Variants in PCGF5 observed in about 807,000 individuals in gnomAD.
PCGF5 encodes the protein polycomb group RING finger protein 5.
In PCGF5, 9 loss-of-function variants were observed where a neutral mutation model predicts 44.3. That is an observed-to-expected ratio of 0.20 (90% CI 0.12 to 0.35). The LOEUF is 0.35. Among genes scored for constraint, PCGF5 ranks in the 10% least tolerant of loss-of-function variants. The pLI is 1.00. For missense variants in PCGF5, 146 were observed against 305.3 expected (o/e 0.48, Z 3.89); for synonymous variants, 95 against 102.5 (o/e 0.93, Z 0.44).
At chr10:91,188,001 A>T (rs955266009) in intron 1 of PCGF5, among the ~76,000 whole-genome samples, 1 of 151,252 alleles carries the variant, frequency 6.6e-6, no homozygotes, top group Non-Finnish European at 1.5e-5. Context: ...TATACTTTTA[A>T]GTTTTAGGGT....
intron 1 of PCGF5, among the ~76,000 whole-genome samples, chr10:91,188,456 T>A (rs1268754700): frequency 5.9e-5 from 9 of 152,216 alleles, no homozygotes; most frequent in Non-Finnish European, 1.3e-4. Context: ...TATATTAAAA[T>A]TATGCTAATT....
chr10:91,222,820 C>A lies in PCGF5; in HGVS notation c.-52C>A. Reference sequence around the variant, plus strand: ...GCTCCTGGGATCAGACTTTCATCTACTTAGGACCCCTCTTTGCCCAGACTA... The same window carrying A: ...GCTCCTGGGATCAGACTTTCATCTAATTAGGACCCCTCTTTGCCCAGACTA... On this transcript the variant is annotated 5_prime_UTR_variant, in exon 2 of 10. Transcript: ENST00000336126. 1 of 1,110,734 alleles carries A rather than the reference C, an allele frequency of 9.0e-7. No homozygotes were observed. The highest frequency in any genetic ancestry group is 1.3e-5 in the South Asian group (1 of 79,946). The allele number at this position is 1,110,734 out of a possible 1,614,324, so 68.8% of individuals were successfully genotyped here.
At chr10:91,268,098 A>T (rs1346010770) in intron 8 of PCGF5, among the ~76,000 whole-genome samples, 1 of 151,946 alleles carries the variant, frequency 6.6e-6, no homozygotes, top group Non-Finnish European at 1.5e-5. Context: ...GTATGTGTGT[A>T]TATGTGTGTG....
intron 2 of PCGF5, among the ~76,000 whole-genome samples, chr10:91,224,296 C>T (rs1383935384): frequency 6.6e-6 from 1 of 152,142 alleles, no homozygotes; most frequent in Non-Finnish European, 1.5e-5. Context: ...TAGCAATTAA[C>T]TATGTACTAT....
intron 1 of PCGF5, among the ~76,000 whole-genome samples, chr10:91,185,267 A>T (rs1843899974): frequency 1.3e-5 from 2 of 152,164 alleles, no homozygotes; most frequent in East Asian, 1.9e-4. Flanking sequence ...TGGATCCGGG[A>T]TTCACTTAAA....
rs996290072 is a variant in PCGF5, at chr10:91,260,838, G to T, written c.475-488G>T. 1.4e-4 allele frequency among the ~76,000 whole-genome samples: 21 copies of T among 150,698 alleles called. 1 individual carries two copies. The highest frequency in any genetic ancestry group is 8.5e-4 in the South Asian group (4 of 4,702). ...GGTGGGGGAGGGGGGAGGGATAGCA[G>T]TAGGAGATATACCTAATGCTAAATG... On this transcript the variant is annotated intron_variant, in intron 6 of 9. Coordinates refer to ENST00000336126, the MANE Select transcript of PCGF5 (RefSeq NM_032373.5).
chr10:91,242,903 T>C (rs1845366376), intron 3 of PCGF5, among the ~76,000 whole-genome samples: 1 of 152,168 alleles, frequency 6.6e-6, no homozygotes, highest in Admixed American at 6.6e-5. Flanking sequence ...CATATTCCAG[T>C]TTTCTTAATT....
At chr10:91,204,617 A>G (rs181597493) in intron 1 of PCGF5, among the ~76,000 whole-genome samples, 34 of 152,352 alleles carry the variant, frequency 2.2e-4, no homozygotes, top group African/African-American at 7.7e-4. Context: ...AAGTCTTGGA[A>G]GATGATAAAC....
chr10:91,260,571 C>A (rs1845875327), intron 6 of PCGF5, among the ~76,000 whole-genome samples: 1 of 152,024 alleles, frequency 6.6e-6, no homozygotes, highest in Non-Finnish European at 1.5e-5. Context: ...AAATGTCCAA[C>A]AACGATAAAC....
At chr10:91,226,040 C>A (rs1844825235) in intron 2 of PCGF5, among the ~76,000 whole-genome samples, 1 of 151,960 alleles carries the variant, frequency 6.6e-6, no homozygotes, top group Non-Finnish European at 1.5e-5. Context: ...TTGACTTAGG[C>A]ATATACAAAG....
intron 1 of PCGF5, among the ~76,000 whole-genome samples, chr10:91,177,700 C>T (rs190941189): frequency 2.0e-5 from 3 of 152,364 alleles, no homozygotes; most frequent in Non-Finnish European, 4.4e-5. Context: ...TAGGACCCTC[C>T]AAGCCAGGTG....
intron 6 of PCGF5, among the ~76,000 whole-genome samples, chr10:91,258,002 T>G (rs957344792): frequency 3.9e-5 from 6 of 152,068 alleles, no homozygotes; most frequent in African/African-American, 1.4e-4. Context: ...TGCTACAAAA[T>G]AGATGAATCT....
At chr10:91,222,246 G>T (rs191702700) in intron 1 of PCGF5, among the ~76,000 whole-genome samples, 2 of 152,228 alleles carry the variant, frequency 1.3e-5, no homozygotes, top group East Asian at 3.9e-4. Flanking sequence ...AGAGCAGCCG[G>T]GCATGGAATA....
At chr10:91,248,322 C>CGGG in intron 3 of PCGF5, among the ~76,000 whole-genome samples, 183 bp from the exon 4 acceptor site, 1 of 152,046 alleles carries the variant, frequency 6.6e-6, no homozygotes, top group Non-Finnish European at 1.5e-5. Flanking sequence ...TTTTTGTTAT[C>CGGG]AGTCTACTAC....
In PCGF5 at chr10:91,264,672, T is replaced by G. The variant is rs1409682392; in HGVS notation, c.663+152T>G. On this transcript the variant is annotated intron_variant, in intron 8 of 9. Transcript: ENST00000336126. Reference sequence around the variant, plus strand: ...GCTACTGTTTCTCCTAGCACTCTGATAATTGGTCCTATGTATAAAATCAAG... The same window carrying G: ...GCTACTGTTTCTCCTAGCACTCTGAGAATTGGTCCTATGTATAAAATCAAG... 6.7e-6 allele frequency: 4 copies of G among 593,836 alleles called. No homozygotes were observed. The African/African-American group carries it at 7.5e-5, about 11-fold the overall frequency. The allele number at this position is 593,836 out of a possible 1,614,324, so 36.8% of individuals were successfully genotyped here. A position where few individuals can be genotyped will look rare whatever the true frequency, so the allele number is the denominator to read the frequency against.
rs553385334 is a variant in PCGF5 at position 91,264,591 on chromosome 10, A to G, written c.663+71A>G. The G allele has an allele frequency of 2.5e-5, 30 of 1,215,642 alleles. No homozygotes were observed. The South Asian group carries it at 2.9e-4, about 12-fold the overall frequency. The allele number at this position is 1,215,642 out of a possible 1,614,324, so 75.3% of individuals were successfully genotyped here. A position where few individuals can be genotyped will look rare whatever the true frequency, so the allele number is the denominator to read the frequency against. On this transcript the variant is annotated intron_variant, in intron 8 of 9. Coordinates refer to ENST00000336126, the MANE Select transcript of PCGF5 (RefSeq NM_032373.5). ...CATTATGTTACTCAAATTTAACAAT[A>G]TTAGAAACTAAAAAAGACAAACTAG...
intron 1 of PCGF5, among the ~76,000 whole-genome samples, chr10:91,221,178 C>A (rs1274643982): frequency 6.6e-6 from 1 of 152,142 alleles, no homozygotes; most frequent in Non-Finnish European, 1.5e-5. Flanking sequence ...TGCCGGAGAA[C>A]GCAGAAAAGT....
At position 91,278,379 on chromosome 10, in the gene PCGF5, G is replaced by A; in HGVS notation, c.*63G>A. ...CTATTTGTTTACTCGTCAACAGATT[G>A]CACAGTTAACGGTGTGTGGACTAGA... is the stretch of plus-strand genomic sequence containing the variant. On this transcript the variant is annotated 3_prime_UTR_variant, in exon 10 of 10. Transcript: ENST00000336126. 6 of 1,430,824 alleles carry A rather than the reference G, an allele frequency of 4.2e-6. No individual in the cohort carries two copies. Among genetic ancestry groups the A allele is most frequent in the African/African-American group, 1.4e-5 (1 of 71,218 alleles). The allele number at this position is 1,430,824 out of a possible 1,614,324, so 88.6% of individuals were successfully genotyped here.
At chr10:91,274,209 T>G (rs1043170683) in intron 9 of PCGF5, among the ~76,000 whole-genome samples, 5 of 152,152 alleles carry the variant, frequency 3.3e-5, no homozygotes, top group Non-Finnish European at 7.4e-5. Flanking sequence ...CCAAACACAC[T>G]TTTACCAGAT....
Sources: gnomAD v4.1 joint callset for allele counts (sites outside exome capture counted in the v4.1 genomes callset) on GRCh38, gnomAD v4.1.1 for gene constraint, MANE v1.5 for transcripts, NCBI Gene and HGNC (gene_info 2026-07-23, HGNC 2026-07-21) for gene names.